The following CD44 variants were observed in gnomAD, a reference collection of about 807,000 sequenced individuals.
The protein encoded by CD44 is CD44 antigen.
A neutral mutation model predicts 88.8 loss-of-function variants in CD44; 49 were observed. The ratio of observed to expected loss-of-function variants is 0.55; its 90% confidence interval spans 0.44 to 0.70. The LOEUF is 0.70. CD44 is among the 30% of genes least tolerant of loss of function. CD44 has a pLI of 0.00. For synonymous variants in CD44, 325 were observed against 312.3 expected, an observed-to-expected ratio of 1.04 and a Z score of -0.43; for missense variants, 883 against 913.8, an observed-to-expected ratio of 0.97 and a Z score of 0.43.
At chr11:35,190,185 T>C (rs984033415) in intron 5 of CD44, 120 bp downstream of exon 5, 2 of 852,260 alleles carry the variant, frequency 2.3e-6, no homozygotes, top group African/African-American at 3.3e-5. Context: ...TGGAAGCTGG[T>C]GATGCCATTC....
chr11:35,206,443 A>G (rs1947847649), intron 11 of CD44, among the ~76,000 whole-genome samples, 200 bp downstream of exon 11: 1 of 152,164 alleles, frequency 6.6e-6, no homozygotes, highest in African/African-American at 2.4e-5. Flanking sequence ...AAAGTAAGGA[A>G]TTTAGCAGGA....
intron 3 of CD44, among the ~76,000 whole-genome samples, chr11:35,184,854 G>A (rs977521652): frequency 1.3e-5 from 2 of 151,028 alleles, no homozygotes; most frequent in Non-Finnish European, 3.0e-5. Context: ...ATTTGGAGAT[G>A]CATTTAGGGG....
At position 35,232,050 on chromosome 11, in the gene CD44, C is replaced by A. The variant is rs1420109009; in HGVS notation, c.*2717C>A. On this transcript the variant is annotated 3_prime_UTR_variant, in exon 18 of 18. Coordinates refer to ENST00000428726, the MANE Select transcript of CD44 (RefSeq NM_000610.4). Reference sequence around the variant, plus strand: ...ATTGATTTTGTAGCCAACATTCATTCAATACTGTTATATCAGAGGAGTAGG... The same window carrying A: ...ATTGATTTTGTAGCCAACATTCATTAAATACTGTTATATCAGAGGAGTAGG... 1 of 152,122 alleles carries A rather than the reference C, an allele frequency of 6.6e-6. No homozygotes were observed. Among genetic ancestry groups the A allele is most frequent in the East Asian group, 1.9e-4 (1 of 5,198 alleles). The allele number at this position is 152,122 out of a possible 1,614,324, so 9.4% of individuals were successfully genotyped here.
intron 3 of CD44, 70 bp from the exon 4 acceptor site, chr11:35,186,762 C>A: frequency 1.2e-6 from 1 of 858,614 alleles, no homozygotes; most frequent in Non-Finnish European, 2.0e-6. Flanking sequence ...TTCTAACTGA[C>A]TAATAAAAAT....
In CD44 at chr11:35,204,420, T is replaced by C. The variant is rs1208197165; in HGVS notation, c.1154-92T>C. ...CTTTCTTTTCTACCTTCCCTCCCCA[T>C]GTGTATCTGCCCTTAAAGTAGAAAG... On this transcript the variant is annotated intron_variant, in intron 9 of 17. Coordinates refer to ENST00000428726, the MANE Select transcript of CD44 (RefSeq NM_000610.4). 3 of 1,235,626 alleles carry C rather than the reference T, an allele frequency of 2.4e-6. No homozygotes were observed. In the East Asian group the frequency reaches 7.2e-5, roughly 29 times the overall value. 76.5% of individuals were successfully genotyped at this position (1,235,626 alleles called of 1,614,324 possible).
rs139609068 is a variant in CD44 at position 35,170,874 on chromosome 11, T to A, written c.68-5701T>A. Reference sequence around the variant, plus strand: ...ACTGGCACTCTGTCAAGCAATGTTCTGTGGTCCATGGCTATTCACATCTTA... The same window carrying A: ...ACTGGCACTCTGTCAAGCAATGTTCAGTGGTCCATGGCTATTCACATCTTA... On this transcript the variant is annotated intron_variant, in intron 1 of 17. Transcript: ENST00000428726. Among the ~76,000 whole-genome samples, 284 of 152,368 alleles carry A rather than the reference T, an allele frequency of 1.9e-3. 2 individuals are homozygous for A. The highest frequency in any genetic ancestry group is 6.2e-3 in the African/African-American group (258 of 41,588).
At position 35,198,143 on chromosome 11, in the gene CD44, A is replaced by G; in HGVS notation, c.819A>G (p.Ser273=). ...CAGGTACGTCTTCAAATACCATCTC[A>G]GCAGGCTGGGAGCCAAATGAAGAAA... ...QMAGTSSNTI[S]AGWEPNEENE... Residue 273 remains serine (S), a synonymous_variant, in exon 7 of 18, where the codon TCA becomes TCG. Transcript: ENST00000428726. 1.2e-6 allele frequency: 2 copies of G among 1,614,064 alleles called. No homozygotes were observed. The highest frequency in any genetic ancestry group is 1.7e-6 in the Non-Finnish European group (2 of 1,179,922).
rs1435268788 is a variant in CD44, at chr11:35,139,215, A to G, written c.-89A>G. On this transcript the variant is annotated 5_prime_UTR_variant, in exon 1 of 18. Coordinates refer to ENST00000428726, the MANE Select transcript of CD44 (RefSeq NM_000610.4). ...CAGCCTCTGCCAGGTTCGGTCCGCC[A>G]TCCTCGTCCCGTCCTCCGCCGGCCC... 6.6e-6 allele frequency: 7 copies of G among 1,052,748 alleles called. No individual in the cohort carries two copies. The African/African-American group carries it at 7.9e-5, about 12-fold the overall frequency. The allele number at this position is 1,052,748 out of a possible 1,614,324, so 65.2% of individuals were successfully genotyped here.
At chr11:35,139,810 A>C (rs1244233858) in intron 1 of CD44, among the ~76,000 whole-genome samples, 1 of 152,242 alleles carries the variant, frequency 6.6e-6, no homozygotes. Context: ...AGTGGCTGTT[A>C]TCAAGGTGGT....
chr11:35,181,702 ATATATTTATAAATATTTATT>A (rs1945016847), intron 3 of CD44, among the ~76,000 whole-genome samples: 1 of 136,042 alleles, frequency 7.4e-6, no homozygotes, highest in Non-Finnish European at 1.5e-5. Context: ...ATTTATTTAT[ATATATTTATAAATATTTATT>A]TATATTTATA....
chr11:35,193,341 C>T (rs763027636), intron 5 of CD44, among the ~76,000 whole-genome samples: 3 of 152,160 alleles, frequency 2.0e-5, no homozygotes, highest in Non-Finnish European at 4.4e-5. Context: ...ACAGGTGGCC[C>T]ACAGGCTACG....
At chr11:35,182,048 T>C (rs1945192096) in intron 3 of CD44, among the ~76,000 whole-genome samples, 1 of 132,886 alleles carries the variant, frequency 7.5e-6, no homozygotes, top group South Asian at 2.1e-4. Flanking sequence ...TTTATATATA[T>C]AAAATCAAGA....
At chr11:35,176,027 A>C (rs1174852951) in intron 1 of CD44, among the ~76,000 whole-genome samples, 2 of 135,212 alleles carry the variant, frequency 1.5e-5, no homozygotes, top group Non-Finnish European at 3.1e-5. Flanking sequence ...ACCACACCTG[A>C]CTAATTTTTG....
chr11:35,211,122 A>T, intron 13 of CD44, 124 bp from the exon 14 acceptor site: 1 of 714,394 alleles, frequency 1.4e-6, no homozygotes. Flanking sequence ...ACTTCACTCT[A>T]TTTCTCCCTA....
intron 11 of CD44, among the ~76,000 whole-genome samples, chr11:35,206,854 T>C (rs1947916420): frequency 6.6e-6 from 1 of 152,202 alleles, no homozygotes; most frequent in South Asian, 2.1e-4. Flanking sequence ...ACACATGAGT[T>C]TGCACATGGC....
rs758979028 is a variant in CD44 at position 35,139,384 on chromosome 11, G to T, written c.67+14G>T. ...TGGCGCAGATCGGTGAGTGCCCGCC[G>T]CAGCCTGGGCAGCAAGATGGGTGCG... is the stretch of plus-strand genomic sequence containing the variant. On this transcript the variant is annotated intron_variant, in intron 1 of 17. Coordinates refer to ENST00000428726, the MANE Select transcript of CD44 (RefSeq NM_000610.4). 6.4e-7 allele frequency: 1 copy of T among 1,554,056 alleles called. No homozygotes were observed.
At chr11:35,166,536 T>G (rs1943290565) in intron 1 of CD44, among the ~76,000 whole-genome samples, 1 of 152,196 alleles carries the variant, frequency 6.6e-6, no homozygotes, top group East Asian at 1.9e-4. Flanking sequence ...TGGCCTTGGC[T>G]GAAGGGCCAG....
chr11:35,167,478 T>C (rs1554955609), intron 1 of CD44, among the ~76,000 whole-genome samples: 1 of 152,248 alleles, frequency 6.6e-6, no homozygotes, highest in Non-Finnish European at 1.5e-5. Flanking sequence ...TTCCTACTTC[T>C]GATCAGAACC....
chr11:35,181,689 TATATTTATTTATATATATTTATAA>T (rs1349389302), intron 3 of CD44, among the ~76,000 whole-genome samples: 1 of 136,714 alleles, frequency 7.3e-6, no homozygotes, highest in Non-Finnish European at 1.5e-5. Context: ...TATTTATATA[TATATTTATTTATATATATTTATAA>T]ATATTTATTT....
Sources: gnomAD v4.1 joint callset for allele counts (sites outside exome capture counted in the v4.1 genomes callset) on GRCh38, gnomAD v4.1.1 for gene constraint, MANE v1.5 for transcripts, NCBI Gene and HGNC (gene_info 2026-07-23, HGNC 2026-07-21) for gene names.